Variants in DISC1 observed in about 807,000 individuals in gnomAD.
DISC1 encodes disrupted in schizophrenia 1 protein.
A neutral mutation model predicts 84.5 loss-of-function variants in DISC1; 57 were observed. The observed-to-expected ratio is 0.67, with a 90% CI of 0.55 to 0.84. The LOEUF (loss-of-function observed/expected upper bound fraction) is 0.84. Ranked by LOEUF, DISC1 falls within the 40% of genes least tolerant of loss-of-function variation. The probability of loss-of-function intolerance (pLI) is 0.00; values close to 1 mark genes in which losing one functional copy is unlikely to be tolerated. For missense variants in DISC1, 1,000 were observed against 1,057.8 expected (o/e 0.95, Z 0.76); for synonymous variants, 411 against 415.2 (o/e 0.99, Z 0.12).
chr1:231,630,278 A>T lies in DISC1; in HGVS notation c.67+3344A>T, dbSNP rs823168. ...CACACAAAGTTTCTGAGTACAAAAA[A>T]AGGTAATATTTTAGGTTAGGGTCAT... On this transcript the variant is annotated intron_variant, in intron 1 of 12. Coordinates refer to ENST00000439617, the MANE Select transcript of DISC1 (RefSeq NM_018662.3). This position sits in a 1 kb window ranked among gnomAD's most constrained non-coding sequence, Gnocchi z 4.4. Among the ~76,000 whole-genome samples the T allele has an allele frequency of 0.97, 147,460 of 152,212 alleles. 71,596 individuals carry two copies. Among genetic ancestry groups the T allele is most frequent in the East Asian group, 1 (5,180 of 5,180 alleles).
intron 9 of DISC1, chr1:231,866,594 C>A: frequency 6.9e-7 from 1 of 1,440,018 alleles, no homozygotes; most frequent in Non-Finnish European, 9.8e-7. Context: ...GCCTGCAGGA[C>A]ACAGCACTGT....
chr1:231,912,005 C>T (rs1004068999), intron 9 of DISC1, among the ~76,000 whole-genome samples: 16 of 152,122 alleles, frequency 1.1e-4, no homozygotes, highest in African/African-American at 3.9e-4. Context: ...GTTCTCGTAC[C>T]ATGTTTTTCA....
At position 231,830,505 on chromosome 1, in the gene DISC1, G is replaced by A. The variant is rs921320309; in HGVS notation, c.1981+11988G>A. Among the ~76,000 whole-genome samples, 5 of 152,278 alleles carry A rather than the reference G, an allele frequency of 3.3e-5. No homozygotes were observed. In the South Asian group the frequency reaches 6.2e-4, roughly 19 times the overall value. On this transcript the variant is annotated intron_variant, in intron 9 of 12. Transcript: ENST00000439617. ...TTTATTTACTTCAAAAGTTAAGAGCGGCAGTTTGGGGATAGCACCAGGAGA... is the reference window on the plus strand; with the variant it reads ...TTTATTTACTTCAAAAGTTAAGAGCAGCAGTTTGGGGATAGCACCAGGAGA...
At chr1:231,993,469 G>A (rs1665498122) in intron 10 of DISC1, among the ~76,000 whole-genome samples, 2 of 152,008 alleles carry the variant, frequency 1.3e-5, no homozygotes, top group African/African-American at 4.8e-5. Context: ...GCTTAATGTG[G>A]AGTAGTACTG....
Position 231,779,377 on chromosome 1 carries a change from A to G in DISC1, c.1634+8307A>G, listed in dbSNP as rs111553819. Among the ~76,000 whole-genome samples the G allele has an allele frequency of 7.9e-5, 12 of 152,284 alleles. 2 individuals are homozygous for G. The highest frequency in any genetic ancestry group is 2.4e-4 in the African/African-American group (10 of 41,552). Reference sequence around the variant, plus strand: ...TTTGTGTTCTGAAAAGACCTTTTACATAGAGGGCCTAATTGTAATACATGT... The same window carrying G: ...TTTGTGTTCTGAAAAGACCTTTTACGTAGAGGGCCTAATTGTAATACATGT... On this transcript the variant is annotated intron_variant, in intron 6 of 12. Coordinates refer to ENST00000439617, the MANE Select transcript of DISC1 (RefSeq NM_018662.3).
chr1:231,741,433 A>C (rs1042352070), intron 3 of DISC1, among the ~76,000 whole-genome samples: 13 of 152,248 alleles, frequency 8.5e-5, no homozygotes, highest in South Asian at 6.2e-4. Context: ...AAACAAAACA[A>C]GGGAATCTAA....
intron 9 of DISC1, among the ~76,000 whole-genome samples, chr1:231,861,911 T>A (rs1046349402): frequency 2.6e-5 from 4 of 152,172 alleles, no homozygotes; most frequent in Non-Finnish European, 5.9e-5. Context: ...GGACCAATAG[T>A]GTGCTGTTAA....
At chr1:231,804,563 T>C (rs2079557002) in intron 8 of DISC1, among the ~76,000 whole-genome samples, 1 of 151,266 alleles carries the variant, frequency 6.6e-6, no homozygotes, top group South Asian at 2.1e-4. Context: ...GCTCAAGCCA[T>C]CCTTAGCCTT....
In DISC1 at chr1:231,688,224, A is replaced by ATG. The variant is rs752199158; in HGVS notation, c.68-5586_68-5585dup. 4.2e-4 allele frequency among the ~76,000 whole-genome samples: 64 copies of ATG among 151,130 alleles called. 1 individual carries two copies. The East Asian group carries it at 5.4e-3, about 13-fold the overall frequency. ...CTGGTGCTTGTATGAGTATGTACAAATGTGTGTGTGTGTGTGTTGTGTTTG... is the reference window on the plus strand; with the variant it reads ...CTGGTGCTTGTATGAGTATGTACAAATGTGTGTGTGTGTGTGTGTTGTGTTTG... On this transcript the variant is annotated intron_variant, in intron 1 of 12. Transcript: ENST00000439617.
chr1:232,037,537 T>C lies in DISC1; in HGVS notation c.*706T>C, dbSNP rs1428333446. The C allele has an allele frequency of 6.6e-6, 1 of 152,230 alleles. No individual in the cohort carries two copies. The highest frequency in any genetic ancestry group is 1.5e-5 in the Non-Finnish European group (1 of 68,042). The allele number at this position is 152,230 out of a possible 1,614,324, so 9.4% of individuals were successfully genotyped here. A position where few individuals can be genotyped will look rare whatever the true frequency, so the allele number is the denominator to read the frequency against. On this transcript the variant is annotated 3_prime_UTR_variant, in exon 13 of 13. Coordinates refer to ENST00000439617, the MANE Select transcript of DISC1 (RefSeq NM_018662.3). ...AGGACATTCTGAAATTTACCCACAGTGAGGCTGTGGATGGATCAGGGGACC... is the reference window on the plus strand; with the variant it reads ...AGGACATTCTGAAATTTACCCACAGCGAGGCTGTGGATGGATCAGGGGACC...
chr1:232,036,948 G>T lies in DISC1; in HGVS notation c.*117G>T. 1 of 1,184,124 alleles carries T rather than the reference G, an allele frequency of 8.4e-7. No homozygotes were observed. The highest frequency in any genetic ancestry group is 3.3e-5 in the Admixed American group (1 of 30,652). The allele number at this position is 1,184,124 out of a possible 1,614,324, so 73.4% of individuals were successfully genotyped here. A position where few individuals can be genotyped will look rare whatever the true frequency, so the allele number is the denominator to read the frequency against. On this transcript the variant is annotated 3_prime_UTR_variant, in exon 13 of 13. Coordinates refer to ENST00000439617, the MANE Select transcript of DISC1 (RefSeq NM_018662.3). ...CAATTACGGAGATACAGAGCCTTGA[G>T]GTCTTTCAGTGGAAAGGTGGTTCAT...
chr1:231,645,212 G>A (rs971696873), intron 1 of DISC1, among the ~76,000 whole-genome samples: 1 of 152,150 alleles, frequency 6.6e-6, no homozygotes, highest in East Asian at 1.9e-4. Flanking sequence ...TGTCAGAAGA[G>A]GATTGGTTGT....
chr1:232,038,735 G>T lies in DISC1; in HGVS notation c.*1904G>T, dbSNP rs1670663345. 6.6e-6 allele frequency: 1 copy of T among 152,138 alleles called. No individual in the cohort carries two copies. Among genetic ancestry groups the T allele is most frequent in the Non-Finnish European group, 1.5e-5 (1 of 68,044 alleles). The allele number at this position is 152,138 out of a possible 1,614,324, so 9.4% of individuals were successfully genotyped here. On this transcript the variant is annotated 3_prime_UTR_variant, in exon 13 of 13. Transcript: ENST00000439617. ...TTGAGCTTAATAACTACCTGCCACA[G>T]ATTGGTAAATTTAATCCAGTGGTTG...
chr1:232,016,192 G>A (rs113699321), intron 11 of DISC1, among the ~76,000 whole-genome samples: 13 of 152,316 alleles, frequency 8.5e-5, no homozygotes, highest in African/African-American at 1.7e-4. Flanking sequence ...ACAGTTTACA[G>A]TGAAACACTT....
intron 9 of DISC1, among the ~76,000 whole-genome samples, chr1:231,941,262 C>T (rs989080944): frequency 3.3e-5 from 5 of 152,126 alleles, no homozygotes; most frequent in African/African-American, 1.2e-4. Flanking sequence ...ACCAGTGACC[C>T]CTATTCTGCT....
At position 231,694,902 on chromosome 1, in the gene DISC1, CT is replaced by C. The variant is rs2065453578; in HGVS notation, c.1047+99del. 7 of 1,534,356 alleles carry C rather than the reference CT, an allele frequency of 4.6e-6. No individual in the cohort carries two copies. The South Asian group carries it at 7.2e-5, about 16-fold the overall frequency. On this transcript the variant is annotated intron_variant, in intron 2 of 12. Coordinates refer to ENST00000439617, the MANE Select transcript of DISC1 (RefSeq NM_018662.3). The stretch of plus-strand genomic sequence containing the variant: ...AACGAGGGGTTCTGGGCTCAACTGA[CT>C]TCCTCCTGGAAGCTGCAGCAGCTCC...
chr1:231,794,746 G>A (rs2078626386), intron 6 of DISC1, among the ~76,000 whole-genome samples: 1 of 150,456 alleles, frequency 6.6e-6, no homozygotes, highest in African/African-American at 2.5e-5. Flanking sequence ...GAAGGCTAAG[G>A]GGGTGCTATC....
chr1:231,678,393 T>C (rs1164302363), intron 1 of DISC1, among the ~76,000 whole-genome samples: 1 of 152,142 alleles, frequency 6.6e-6, no homozygotes, highest in East Asian at 1.9e-4. Flanking sequence ...GCTTCCACTA[T>C]TATGGTTGAA....
At chr1:231,641,716 G>C (rs1318996786) in intron 1 of DISC1, among the ~76,000 whole-genome samples, 7 of 152,228 alleles carry the variant, frequency 4.6e-5, no homozygotes, top group Non-Finnish European at 1.0e-4. Context: ...CCCTGAGCTA[G>C]ACACAAATGT....
Sources: gnomAD v4.1 joint callset for allele counts (sites outside exome capture counted in the v4.1 genomes callset) on GRCh38, gnomAD v4.1.1 for gene constraint, Gnocchi (gnomAD v3.1) non-coding constraint, MANE v1.5 for transcripts, NCBI Gene and HGNC (gene_info 2026-07-23, HGNC 2026-07-21) for gene names.